The following CDK19 variants were observed in gnomAD, a reference collection of about 807,000 sequenced individuals.
CDK19 encodes the protein cyclin dependent kinase 19.
Under a neutral mutation model 68.3 loss-of-function variants are expected in CDK19, and 20 were observed. The observed-to-expected ratio is 0.29, with a 90% confidence interval of 0.21 to 0.43. The LOEUF is 0.43. Among genes scored for constraint, CDK19 ranks in the 20% least tolerant of loss-of-function variants. The pLI is 1.00. For missense variants in CDK19, 339 were observed against 623.5 expected (o/e 0.54, Z 4.86); for synonymous variants, 221 against 222.8 (o/e 0.99, Z 0.07).
rs868131603 is a variant in CDK19 at position 110,815,297 on chromosome 6, G to C, written c.-161C>G. The stretch of plus-strand genomic sequence containing the variant: ...CCGCTCCGCGGTCCGCCTTCAGCAA[G>C]GGACTCCTCGGCGGCCACAGCAGCC... On this transcript the variant is annotated 5_prime_UTR_variant, in exon 1 of 13. Coordinates refer to ENST00000368911, the MANE Select transcript of CDK19 (RefSeq NM_015076.5). 70 of 741,446 alleles carry C rather than the reference G, an allele frequency of 9.4e-5. No individual in the cohort carries two copies. Among genetic ancestry groups the C allele is most frequent in the African/African-American group, 3.7e-5 (2 of 53,340 alleles). The allele number at this position is 741,446 out of a possible 1,614,324, so 45.9% of individuals were successfully genotyped here.
At chr6:110,728,379 T>G (rs908554132) in intron 2 of CDK19, among the ~76,000 whole-genome samples, 1 of 152,140 alleles carries the variant, frequency 6.6e-6, no homozygotes, top group South Asian at 2.1e-4. Flanking sequence ...CGGAAATCTT[T>G]GCCACCTCTC....
At chr6:110,682,249 T>G (rs952953561) in intron 2 of CDK19, among the ~76,000 whole-genome samples, 2 of 152,232 alleles carry the variant, frequency 1.3e-5, no homozygotes, top group Admixed American at 1.3e-4. Flanking sequence ...ATCTTTCCCC[T>G]CAGTGAGAAC....
At chr6:110,705,018 AGGTTT>A (rs1334754695) in intron 2 of CDK19, among the ~76,000 whole-genome samples, 1 of 151,324 alleles carries the variant, frequency 6.6e-6, no homozygotes, top group Non-Finnish European at 1.5e-5. Context: ...AAAGCATTAC[AGGTTT>A]AAGGTGTGAA....
intron 1 of CDK19, among the ~76,000 whole-genome samples, chr6:110,752,325 G>T (rs1258354877): frequency 6.6e-6 from 1 of 151,998 alleles, no homozygotes; most frequent in Non-Finnish European, 1.5e-5. Flanking sequence ...TAATTATTTT[G>T]AAACAAATCC....
At chr6:110,801,391 G>A (rs1782335637) in intron 1 of CDK19, among the ~76,000 whole-genome samples, 1 of 152,162 alleles carries the variant, frequency 6.6e-6, no homozygotes, top group Admixed American at 6.6e-5. Context: ...AGGCTGAGGT[G>A]GGAGAATTGC....
intron 1 of CDK19, among the ~76,000 whole-genome samples, chr6:110,797,497 T>C (rs529098566): frequency 6.6e-6 from 1 of 150,712 alleles, no homozygotes; most frequent in Non-Finnish European, 1.5e-5. Context: ...TAACCTCTTA[T>C]TAAGAAAGAA....
At chr6:110,786,442 C>T (rs115324320) in intron 1 of CDK19, among the ~76,000 whole-genome samples, 89 of 152,240 alleles carry the variant, frequency 5.8e-4, no homozygotes, top group African/African-American at 2.1e-3. Context: ...AACATCTGGG[C>T]ACTGTTTTCT....
intron 1 of CDK19, among the ~76,000 whole-genome samples, chr6:110,779,643 C>G (rs556898044): frequency 6.6e-6 from 1 of 152,162 alleles, no homozygotes; most frequent in Admixed American, 6.5e-5. Flanking sequence ...TGGCTGGGCA[C>G]GGTGCCTCAC....
At chr6:110,642,781 G>A (rs1035300531) in intron 4 of CDK19, among the ~76,000 whole-genome samples, 29 of 151,550 alleles carry the variant, frequency 1.9e-4, no homozygotes, top group African/African-American at 7.0e-4. Context: ...CCCTGTCTTT[G>A]ATAGGAGGGG....
intron 4 of CDK19, among the ~76,000 whole-genome samples, chr6:110,661,610 C>T (rs750998500): frequency 6.6e-6 from 1 of 152,102 alleles, no homozygotes; most frequent in Non-Finnish European, 1.5e-5. Flanking sequence ...CCACCCTACC[C>T]AGTTTGCATC....
intron 2 of CDK19, among the ~76,000 whole-genome samples, chr6:110,689,821 C>T (rs1463131078): frequency 6.6e-6 from 1 of 152,190 alleles, no homozygotes; most frequent in Non-Finnish European, 1.5e-5. Context: ...AGTGTGGCAG[C>T]CCCACTGGGC....
At chr6:110,806,200 C>T (rs1209627192) in intron 1 of CDK19, among the ~76,000 whole-genome samples, 1 of 151,382 alleles carries the variant, frequency 6.6e-6, no homozygotes, top group Non-Finnish European at 1.5e-5. Flanking sequence ...ATTAGCTAGG[C>T]ATGGTGGCGC....
At chr6:110,639,190 A>G in intron 4 of CDK19, among the ~76,000 whole-genome samples, 1 of 152,254 alleles carries the variant, frequency 6.6e-6, no homozygotes, top group East Asian at 1.9e-4. Context: ...GCTATCATAC[A>G]TGCAAAAGTA....
chr6:110,803,912 C>T (rs981443959), intron 1 of CDK19, among the ~76,000 whole-genome samples: 4 of 152,058 alleles, frequency 2.6e-5, no homozygotes, highest in African/African-American at 9.7e-5. Context: ...CAGGCTACAG[C>T]GAGCTGTGGC....
At chr6:110,619,295 T>C (rs1409068120) in intron 12 of CDK19, among the ~76,000 whole-genome samples, 1 of 152,196 alleles carries the variant, frequency 6.6e-6, no homozygotes, top group African/African-American at 2.4e-5. Context: ...CTGTCTATAA[T>C]TGACTACAAT....
At chr6:110,713,744 T>A (rs1775150479) in intron 2 of CDK19, among the ~76,000 whole-genome samples, 1 of 152,138 alleles carries the variant, frequency 6.6e-6, no homozygotes, top group African/African-American at 2.4e-5. Flanking sequence ...AATTATAGGC[T>A]GGGCACTCAG....
chr6:110,704,295 T>G (rs1472432056), intron 2 of CDK19, among the ~76,000 whole-genome samples: 1 of 152,204 alleles, frequency 6.6e-6, no homozygotes, highest in African/African-American at 2.4e-5. Flanking sequence ...CCATGTACTG[T>G]GTATTTTGCA....
At chr6:110,787,721 G>A (rs1307233844) in intron 1 of CDK19, among the ~76,000 whole-genome samples, 3 of 152,124 alleles carry the variant, frequency 2.0e-5, no homozygotes, top group Non-Finnish European at 4.4e-5. Context: ...GGATTTATAG[G>A]CGTAAGCCAT....
At chr6:110,699,644 G>A (rs1773822626) in intron 2 of CDK19, among the ~76,000 whole-genome samples, 2 of 151,988 alleles carry the variant, frequency 1.3e-5, no homozygotes, top group Non-Finnish European at 2.9e-5. Flanking sequence ...GGTATGAGGT[G>A]CACTAAAAAT....
Sources: allele counts gnomAD v4.1 joint callset (sites outside exome capture counted in the v4.1 genomes callset), GRCh38; gene constraint gnomAD v4.1.1; transcripts MANE v1.5; gene names NCBI Gene and HGNC (gene_info 2026-07-23, HGNC 2026-07-21).